Variants in QSER1 observed in about 807,000 individuals in gnomAD.
The protein encoded by QSER1 is glutamine and serine rich 1, also known as glutamine and serine-rich protein 1.
A neutral mutation model predicts 158.5 loss-of-function variants in QSER1; 49 were observed. The observed-to-expected ratio is 0.31, with a 90% CI of 0.25 to 0.39. The LOEUF is 0.39. QSER1 is among the 10% of genes least tolerant of loss of function. The pLI, the probability that QSER1 is intolerant of heterozygous loss-of-function variation, is 1.00. For synonymous variants in QSER1, 650 were observed against 715.5 expected (o/e 0.91, Z 1.46); for missense variants, 1,754 against 2,010.3 (o/e 0.87, Z 2.44).
chr11:32,950,579 T>A (rs1218880283), intron 4 of QSER1, among the ~76,000 whole-genome samples: 4 of 152,246 alleles, frequency 2.6e-5, no homozygotes, highest in African/African-American at 9.6e-5. Flanking sequence ...TCATATACAA[T>A]AACATCCACC....
At chr11:32,902,197 C>G (rs1851634372) in intron 1 of QSER1, among the ~76,000 whole-genome samples, 1 of 152,186 alleles carries the variant, frequency 6.6e-6, no homozygotes, top group African/African-American at 2.4e-5. Context: ...AGGAAGTGCA[C>G]TTCCCTGAGA....
At chr11:32,918,956 C>T (rs1851868479) in intron 1 of QSER1, among the ~76,000 whole-genome samples, 1 of 152,142 alleles carries the variant, frequency 6.6e-6, no homozygotes, top group African/African-American at 2.4e-5. Context: ...AGTTCCCATA[C>T]ACCCCCCACC....
intron 1 of QSER1, among the ~76,000 whole-genome samples, chr11:32,914,461 ATTAT>A (rs1370283041): frequency 6.6e-6 from 1 of 152,204 alleles, no homozygotes; most frequent in African/African-American, 2.4e-5. Flanking sequence ...TTGTGACCAA[ATTAT>A]TTAACACAAA....
chr11:32,961,568 C>G (rs1233392310), intron 8 of QSER1, among the ~76,000 whole-genome samples: 1 of 152,122 alleles, frequency 6.6e-6, no homozygotes, highest in Non-Finnish European at 1.5e-5. Context: ...ACCTATATTT[C>G]CAAAACTTTT....
At chr11:32,916,564 C>G (rs553180885) in intron 1 of QSER1, among the ~76,000 whole-genome samples, 1 of 152,006 alleles carries the variant, frequency 6.6e-6, no homozygotes, top group South Asian at 2.1e-4. Context: ...ATGGTGTAGA[C>G]TGTACACACC....
intron 10 of QSER1, among the ~76,000 whole-genome samples, chr11:32,972,189 C>T (rs1488976474): frequency 6.6e-6 from 1 of 151,844 alleles, no homozygotes; most frequent in African/African-American, 2.4e-5. Context: ...TTGCGCTTAT[C>T]GAATTTGGAC....
intron 1 of QSER1, among the ~76,000 whole-genome samples, chr11:32,923,492 G>A: frequency 6.6e-6 from 1 of 151,320 alleles, no homozygotes; most frequent in East Asian, 1.9e-4. Context: ...TGACCAACAT[G>A]GCAAAACCCC....
At chr11:32,946,520 C>G (rs905176878) in intron 4 of QSER1, among the ~76,000 whole-genome samples, 9 of 152,242 alleles carry the variant, frequency 5.9e-5, no homozygotes, top group Non-Finnish European at 8.8e-5. Flanking sequence ...GGTGCCCCTG[C>G]TGGAGGGTGC....
chr11:32,964,580 T>C (rs1391059455), intron 8 of QSER1, among the ~76,000 whole-genome samples: 2 of 151,502 alleles, frequency 1.3e-5, no homozygotes, highest in African/African-American at 4.9e-5. Flanking sequence ...ATACACCTAC[T>C]ATAGGCCAGG....
At chr11:32,958,500 C>T (rs1852565024) in intron 8 of QSER1, among the ~76,000 whole-genome samples, 1 of 152,052 alleles carries the variant, frequency 6.6e-6, no homozygotes, top group African/African-American at 2.4e-5. Flanking sequence ...ACTCTCCTAC[C>T]TCAGCCTCCA....
At position 32,966,314 on chromosome 11, in the gene QSER1, G is replaced by T. The variant is rs200484206; in HGVS notation, c.4984G>T (p.Ala1662Ser). Residue 1662 changes from alanine to serine, a missense_variant, in exon 9 of 13, where the codon GCT becomes TCT. Ala to Ser is a moderately conservative substitution (Grantham distance 99). This residue lies in a region of QSER1 where 1,707 missense variants were observed against 1,919.6 expected (regional missense o/e 0.89). Coordinates refer to ENST00000650167, the MANE Select transcript of QSER1 (RefSeq NM_001076786.3). ...CTCCCTCCCAGAATTTGAACCTCCC[G>T]CTCCCTTTGTCACTCGCTTTTTGAA... ...SSDDEEFEPP[A>S]PFVTRFLNTR... is the part of the protein sequence containing the mutation. 18 of 1,613,194 alleles carry T rather than the reference G, an allele frequency of 1.1e-5. No individual in the cohort carries two copies. Among genetic ancestry groups the T allele is most frequent in the East Asian group, 2.2e-5 (1 of 44,830 alleles).
chr11:32,908,824 A>G (rs567591691), intron 1 of QSER1, among the ~76,000 whole-genome samples: 5 of 152,172 alleles, frequency 3.3e-5, no homozygotes, highest in Non-Finnish European at 5.9e-5. Context: ...GAATTGCCAA[A>G]TTTTTCTCCC....
intron 4 of QSER1, among the ~76,000 whole-genome samples, chr11:32,937,474 G>A (rs1276421868): frequency 1.3e-5 from 2 of 151,932 alleles, no homozygotes; most frequent in Non-Finnish European, 2.9e-5. Context: ...CTGTTGTAGA[G>A]ATGGGATCTT....
chr11:32,946,078 T>G (rs1377187489), intron 4 of QSER1, among the ~76,000 whole-genome samples: 1 of 152,180 alleles, frequency 6.6e-6, no homozygotes, highest in Non-Finnish European at 1.5e-5. Context: ...GCCTTGGTTT[T>G]CAGCTCCGTC....
At chr11:32,967,142 C>A (rs984505829) in intron 9 of QSER1, among the ~76,000 whole-genome samples, 13 of 152,146 alleles carry the variant, frequency 8.5e-5, no homozygotes, top group African/African-American at 3.1e-4. Context: ...GAATACTATT[C>A]AGCCATAAAA....
intron 9 of QSER1, among the ~76,000 whole-genome samples, chr11:32,967,496 A>T (rs1852772571): frequency 6.6e-6 from 1 of 152,212 alleles, no homozygotes; most frequent in Admixed American, 6.5e-5. Context: ...AGTTTTTTTT[A>T]AAGAAGAAAA....
intron 4 of QSER1, 64 bp downstream of exon 4, chr11:32,935,499 A>G: frequency 8.0e-7 from 1 of 1,254,650 alleles, no homozygotes; most frequent in Non-Finnish European, 1.1e-6. Context: ...TATAGCCCAC[A>G]TTTTAAGCTT....
Position 32,933,402 on chromosome 11 carries a change from C to G in QSER1, c.2144C>G (p.Ser715Cys), listed in dbSNP as rs1263203049. Residue 715 changes from serine (S) to cysteine (C), a missense_variant, in exon 4 of 13, where the codon TCT (serine) becomes TGT (cysteine). By Grantham distance (112) the Ser-to-Cys change is moderately radical. Coordinates refer to ENST00000650167, the MANE Select transcript of QSER1 (RefSeq NM_001076786.3). Reference protein sequence around the residue: ...ASLESSTQRLSDGEINAQEST... With the variant: ...ASLESSTQRLCDGEINAQEST... ...CTTGAGTCATCAACCCAAAGGCTATCTGATGGAGAAATTAATGCTCAAGAA... is the reference window on the plus strand; with the variant it reads ...CTTGAGTCATCAACCCAAAGGCTATGTGATGGAGAAATTAATGCTCAAGAA... 6 of 1,613,882 alleles carry G rather than the reference C, an allele frequency of 3.7e-6. No homozygotes were observed. The East Asian group carries it at 1.3e-4, about 36-fold the overall frequency.
At chr11:32,909,671 A>G (rs1225146695) in intron 1 of QSER1, among the ~76,000 whole-genome samples, 1 of 151,920 alleles carries the variant, frequency 6.6e-6, no homozygotes, top group Non-Finnish European at 1.5e-5. Flanking sequence ...CAAACTCCTG[A>G]CCTCAGGTGA....
Sources: allele counts gnomAD v4.1 joint callset (sites outside exome capture counted in the v4.1 genomes callset), GRCh38; gene constraint gnomAD v4.1.1; regional missense constraint gnomAD v4.1.1; transcripts MANE v1.5; gene names NCBI Gene and HGNC (gene_info 2026-07-23, HGNC 2026-07-21).